NXPH1: variants seen among roughly 807,000 people sequenced by gnomAD.
The protein encoded by NXPH1 is neurexophilin-1.
A neutral mutation model predicts 23.7 loss-of-function variants in NXPH1; 5 were observed. The observed-to-expected ratio is 0.21, with a 90% CI of 0.11 to 0.44. The LOEUF is 0.44. NXPH1 is among the 20% of genes least tolerant of loss of function. The pLI, the probability that NXPH1 is intolerant of heterozygous loss-of-function variation, is 0.99. For synonymous variants in NXPH1, 144 were observed against 122.2 expected (o/e 1.18, Z -1.18); for missense variants, 324 against 321.6 (o/e 1.01, Z -0.06).
chr7:8,610,468 C>T (rs1819593797), intron 2 of NXPH1, among the ~76,000 whole-genome samples: 1 of 152,062 alleles, frequency 6.6e-6, no homozygotes, highest in Non-Finnish European at 1.5e-5. Context: ...TTTCAGAAAA[C>T]ATAACTTAAA....
chr7:8,502,138 G>T (rs1817447436), intron 2 of NXPH1, among the ~76,000 whole-genome samples: 1 of 151,942 alleles, frequency 6.6e-6, no homozygotes, highest in African/African-American at 2.4e-5. Context: ...ACCTCTTCTA[G>T]CTTCAGCTTC....
chr7:8,585,121 AT>A (rs1818955218), intron 2 of NXPH1, among the ~76,000 whole-genome samples: 1 of 152,198 alleles, frequency 6.6e-6, no homozygotes, highest in East Asian at 1.9e-4. Context: ...AATATCAGTA[AT>A]TTGGGGGACT....
At chr7:8,454,010 G>T (rs529466125) in intron 2 of NXPH1, among the ~76,000 whole-genome samples, 1 of 152,196 alleles carries the variant, frequency 6.6e-6, no homozygotes, top group African/African-American at 2.4e-5. Flanking sequence ...AATACTACAT[G>T]TTTGCACTCA....
At chr7:8,543,259 A>G (rs146955346) in intron 2 of NXPH1, among the ~76,000 whole-genome samples, 30 of 151,712 alleles carry the variant, frequency 2.0e-4, no homozygotes, top group Non-Finnish European at 3.7e-4. Flanking sequence ...TGAATATATT[A>G]ATACCTTTTC....
chr7:8,649,345 T>C (rs941568725), intron 2 of NXPH1, among the ~76,000 whole-genome samples: 3 of 152,198 alleles, frequency 2.0e-5, no homozygotes, highest in Non-Finnish European at 4.4e-5. Context: ...CAATGTTTAT[T>C]TTGTTTTACT....
chr7:8,712,169 C>A (rs958442085), intron 2 of NXPH1, among the ~76,000 whole-genome samples: 4 of 152,152 alleles, frequency 2.6e-5, no homozygotes, highest in East Asian at 3.8e-4. Context: ...ATGTTTAGAT[C>A]AAAAACGAAC....
intron 2 of NXPH1, among the ~76,000 whole-genome samples, chr7:8,522,345 T>C (rs1817786798): frequency 6.6e-6 from 1 of 152,204 alleles, no homozygotes; most frequent in Non-Finnish European, 1.5e-5. Context: ...GGCATAGCAT[T>C]CATTGCACAG....
intron 2 of NXPH1, among the ~76,000 whole-genome samples, chr7:8,575,664 T>G (rs1818740797): frequency 1.3e-5 from 2 of 152,152 alleles, no homozygotes; most frequent in Admixed American, 1.3e-4. Context: ...CCTATGCACT[T>G]AATATAATTT....
At chr7:8,658,229 A>G (rs928178647) in intron 2 of NXPH1, among the ~76,000 whole-genome samples, 2 of 152,218 alleles carry the variant, frequency 1.3e-5, no homozygotes, top group African/African-American at 4.8e-5. Flanking sequence ...ACACTTATAT[A>G]TTAATACACT....
intron 2 of NXPH1, among the ~76,000 whole-genome samples, chr7:8,564,019 A>C (rs1818496669): frequency 6.6e-6 from 1 of 151,830 alleles, no homozygotes; most frequent in Admixed American, 6.6e-5. Context: ...AACAGGCAAA[A>C]TGCCTCTCTC....
chr7:8,462,307 A>C (rs1214698597), intron 2 of NXPH1, among the ~76,000 whole-genome samples: 3 of 152,214 alleles, frequency 2.0e-5, no homozygotes, highest in African/African-American at 4.8e-5. Context: ...TTAGCCTCCC[A>C]AAGTTCTGTC....
chr7:8,632,553 C>T (rs139999285), intron 2 of NXPH1, among the ~76,000 whole-genome samples: 155 of 152,254 alleles, frequency 1.0e-3, no homozygotes, highest in African/African-American at 3.3e-3. Context: ...CTAGTCTTGT[C>T]TATTTCCCAA....
In NXPH1 at chr7:8,751,087, T is replaced by C. The variant is rs1780557106; in HGVS notation, c.134T>C (p.Ile45Thr). Residue 45 changes from isoleucine to threonine, a missense_variant, in exon 3 of 3, where the codon ATA becomes ACA. Ile to Thr is a moderately conservative substitution (Grantham distance 89). Transcript: ENST00000405863. The surrounding 1 kb of genome is among the most constrained non-coding windows in gnomAD (Gnocchi z 4.5). ...AGCAGCAAATCCACACTAAAGCACATATGGACAGAAAGCAGCAAAGACTTG... is the reference window on the plus strand; with the variant it reads ...AGCAGCAAATCCACACTAAAGCACACATGGACAGAAAGCAGCAAAGACTTG... Reference protein sequence around the residue: ...SGSSKSTLKHIWTESSKDLSI... With the variant: ...SGSSKSTLKHTWTESSKDLSI... The C allele has an allele frequency of 6.2e-7, 1 of 1,613,700 alleles. No homozygotes were observed. Among genetic ancestry groups the C allele is most frequent in the Non-Finnish European group, 8.5e-7 (1 of 1,179,806 alleles).
chr7:8,669,570 C>G (rs571648977), intron 2 of NXPH1, among the ~76,000 whole-genome samples: 19 of 152,088 alleles, frequency 1.2e-4, no homozygotes, highest in Non-Finnish European at 2.4e-4. Context: ...CTGTGTTTTA[C>G]TGGGGTGAAC....
At chr7:8,545,464 C>T (rs1818185107) in intron 2 of NXPH1, among the ~76,000 whole-genome samples, 1 of 151,520 alleles carries the variant, frequency 6.6e-6, no homozygotes, top group African/African-American at 2.4e-5. Context: ...TCAGGAAATA[C>T]TGTCCTCTTG....
chr7:8,739,171 TAAAAAAAAAAAAAAAA>T (rs34593997), intron 2 of NXPH1, among the ~76,000 whole-genome samples: 8 of 54,044 alleles, frequency 1.5e-4, no homozygotes, highest in Admixed American at 6.0e-4. Flanking sequence ...ACCAGTGGGG[TAAAAAAAAAAAAAAAA>T]AAAAAAAAAA....
chr7:8,498,785 G>A (rs1172466547), intron 2 of NXPH1, among the ~76,000 whole-genome samples: 3 of 152,016 alleles, frequency 2.0e-5, no homozygotes, highest in African/African-American at 7.2e-5. Flanking sequence ...CTTGTTCCAA[G>A]TTGTTCTAAG....
At chr7:8,704,413 C>T (rs1464042856) in intron 2 of NXPH1, among the ~76,000 whole-genome samples, 1 of 152,058 alleles carries the variant, frequency 6.6e-6, no homozygotes, top group Middle Eastern at 3.2e-3. Context: ...AGAGAGATCC[C>T]AAAGGACATT....
chr7:8,447,947 G>A (rs1010965972), intron 2 of NXPH1, among the ~76,000 whole-genome samples: 3 of 152,280 alleles, frequency 2.0e-5, no homozygotes, highest in East Asian at 1.9e-4. Context: ...CCAACCAGGT[G>A]TCAACACTGA....
Sources: gnomAD v4.1 joint callset for allele counts (sites outside exome capture counted in the v4.1 genomes callset) on GRCh38, gnomAD v4.1.1 for gene constraint, Gnocchi (gnomAD v3.1) non-coding constraint, MANE v1.5 for transcripts, NCBI Gene and HGNC (gene_info 2026-07-23, HGNC 2026-07-21) for gene names.